EFCAB11: variants seen among roughly 807,000 people sequenced by gnomAD.
EFCAB11 encodes the protein EF-hand calcium binding domain 11.
Under a neutral mutation model 23.0 loss-of-function variants are expected in EFCAB11, and 14 were observed. The observed-to-expected ratio is 0.61, with a 90% confidence interval of 0.40 to 0.95. EFCAB11 has a LOEUF of 0.95. EFCAB11 is among the 40% of genes least tolerant of loss of function. The probability of loss-of-function intolerance (pLI) is 0.00; values close to 1 mark genes in which losing one functional copy is unlikely to be tolerated. For synonymous variants in EFCAB11, 65 were observed against 66.6 expected, an observed-to-expected ratio of 0.98 and a Z score of 0.11; for missense variants, 198 against 195.8, an observed-to-expected ratio of 1.01 and a Z score of -0.07.
At chr14:89,897,397 C>G (rs1296054605) in intron 5 of EFCAB11, among the ~76,000 whole-genome samples, 2 of 151,990 alleles carry the variant, frequency 1.3e-5, no homozygotes, top group African/African-American at 4.8e-5. Context: ...TTAGTAGAGA[C>G]AGGGTTTCAC....
intron 5 of EFCAB11, among the ~76,000 whole-genome samples, chr14:89,864,736 G>C (rs1045649347): frequency 1.3e-5 from 2 of 152,156 alleles, no homozygotes; most frequent in African/African-American, 4.8e-5. Flanking sequence ...ACTATGTCCA[G>C]CCACATTTCT....
At chr14:89,890,632 G>A (rs1447626132) in intron 5 of EFCAB11, among the ~76,000 whole-genome samples, 1 of 152,140 alleles carries the variant, frequency 6.6e-6, no homozygotes, top group African/African-American at 2.4e-5. Context: ...AAAGATGCTG[G>A]ATAAGACACT....
chr14:89,851,485 T>C (rs1465213422), intron 5 of EFCAB11, among the ~76,000 whole-genome samples: 5 of 152,224 alleles, frequency 3.3e-5, no homozygotes, highest in Non-Finnish European at 7.3e-5. Context: ...ATAGTATTCC[T>C]GCTAAAAGGT....
At chr14:89,814,425 C>T (rs527877036) in intron 5 of EFCAB11, among the ~76,000 whole-genome samples, 1 of 152,270 alleles carries the variant, frequency 6.6e-6, no homozygotes, top group South Asian at 2.1e-4. Context: ...ACCCAGCAGG[C>T]CGGGAGCAGT....
At chr14:89,891,247 C>T (rs1045662397) in intron 5 of EFCAB11, among the ~76,000 whole-genome samples, 2 of 152,108 alleles carry the variant, frequency 1.3e-5, no homozygotes, top group African/African-American at 4.8e-5. Context: ...AAACTAGTCA[C>T]CATGAGCAAG....
intron 5 of EFCAB11, among the ~76,000 whole-genome samples, chr14:89,926,484 T>G (rs1477524904): frequency 6.6e-6 from 1 of 151,776 alleles, no homozygotes. Context: ...ATATGAGACA[T>G]CAGCAGATAC....
chr14:89,931,435 C>A (rs1049354575), intron 5 of EFCAB11, 106 bp downstream of exon 5: 138 of 1,054,602 alleles, frequency 1.3e-4, no homozygotes, highest in Non-Finnish European at 1.7e-4. Flanking sequence ...GAAAAATGTT[C>A]CAGACTCAAA....
chr14:89,868,532 TA>T (rs1257954101), intron 5 of EFCAB11, among the ~76,000 whole-genome samples: 1 of 152,148 alleles, frequency 6.6e-6, no homozygotes, highest in Admixed American at 6.6e-5. Context: ...AAAGCTCTCC[TA>T]AAAAGATTAC....
At chr14:89,954,260 G>A in intron 1 of EFCAB11, 1 of 1,317,406 alleles carries the variant, frequency 7.6e-7, no homozygotes, top group East Asian at 2.5e-5. Flanking sequence ...TTAGGCCACT[G>A]AGATAAATTC....
At chr14:89,840,900 T>G (rs543103013) in intron 5 of EFCAB11, among the ~76,000 whole-genome samples, 56 of 152,350 alleles carry the variant, frequency 3.7e-4, no homozygotes, top group Non-Finnish European at 7.5e-4. Flanking sequence ...TGCATCATTG[T>G]GTAAAAAGAT....
At chr14:89,905,366 C>T (rs1333395755) in intron 5 of EFCAB11, among the ~76,000 whole-genome samples, 1 of 152,162 alleles carries the variant, frequency 6.6e-6, no homozygotes, top group Non-Finnish European at 1.5e-5. Flanking sequence ...CCAGTCCTAA[C>T]CACCACTAAG....
At chr14:89,936,273 A>G (rs544808834) in intron 3 of EFCAB11, among the ~76,000 whole-genome samples, 2 of 152,364 alleles carry the variant, frequency 1.3e-5, no homozygotes, top group African/African-American at 2.4e-5. Flanking sequence ...TGTAATTCAC[A>G]AGGAAAAAAA....
intron 5 of EFCAB11, among the ~76,000 whole-genome samples, chr14:89,929,061 T>TA (rs1890298898): frequency 6.9e-6 from 1 of 145,580 alleles, no homozygotes; most frequent in Admixed American, 7.0e-5. Flanking sequence ...ACACATATTT[T>TA]TTTTTAGGAG....
intron 5 of EFCAB11, among the ~76,000 whole-genome samples, chr14:89,814,704 C>CAAA (rs374346075): frequency 7.2e-6 from 1 of 138,234 alleles, no homozygotes; most frequent in African/African-American, 2.7e-5. Context: ...AACTCCCTTT[C>CAAA]AAAAAAAAAA....
At chr14:89,843,675 T>A (rs1774513996) in intron 5 of EFCAB11, among the ~76,000 whole-genome samples, 1 of 152,250 alleles carries the variant, frequency 6.6e-6, no homozygotes, top group East Asian at 1.9e-4. Context: ...TACGTTAACA[T>A]ATATTGGGGC....
intron 3 of EFCAB11, among the ~76,000 whole-genome samples, chr14:89,947,920 A>G (rs575529989): frequency 6.6e-6 from 1 of 152,014 alleles, no homozygotes; most frequent in Non-Finnish European, 1.5e-5. Flanking sequence ...GACATAGTAA[A>G]CTAACACTTC....
At chr14:89,838,763 A>C (rs1887163769) in intron 5 of EFCAB11, among the ~76,000 whole-genome samples, 1 of 152,236 alleles carries the variant, frequency 6.6e-6, no homozygotes, top group South Asian at 2.1e-4. Context: ...CTAAAAGCAC[A>C]TAAGGATGTC....
chr14:89,875,188 G>A (rs185127752), intron 5 of EFCAB11, among the ~76,000 whole-genome samples: 20 of 152,264 alleles, frequency 1.3e-4, no homozygotes, highest in African/African-American at 2.6e-4. Flanking sequence ...GTTCGTTATC[G>A]GAATTAAACA....
chr14:89,807,468 G>C (rs186739732), intron 5 of EFCAB11, among the ~76,000 whole-genome samples: 3 of 152,332 alleles, frequency 2.0e-5, no homozygotes, highest in African/African-American at 7.2e-5. Context: ...CTGAGTATTA[G>C]TGGGTTCAGA....
Sources: gnomAD v4.1 joint callset for allele counts (sites outside exome capture counted in the v4.1 genomes callset) on GRCh38, gnomAD v4.1.1 for gene constraint, MANE v1.5 for transcripts, NCBI Gene and HGNC (gene_info 2026-07-23, HGNC 2026-07-21) for gene names.